Variants in LRP1B observed in about 807,000 individuals in gnomAD.
The protein encoded by LRP1B is low-density lipoprotein receptor-related protein 1B.
In LRP1B, 217 loss-of-function variants were observed where a neutral mutation model predicts 556.6. That is an observed-to-expected ratio of 0.39 (90% CI 0.35 to 0.44). The LOEUF (loss-of-function observed/expected upper bound fraction) is 0.44, where lower values mean the gene tolerates loss of function less well. Ranked by LOEUF, LRP1B falls within the 20% of genes least tolerant of loss-of-function variation. LRP1B has a pLI of 1.00. For missense variants in LRP1B, 5,053 were observed against 5,620.8 expected (o/e 0.90, Z 3.23); for synonymous variants, 2,047 against 1,865.8 (o/e 1.10, Z -2.50).
At chr2:141,911,804 C>T (rs1376713099) in intron 1 of LRP1B, among the ~76,000 whole-genome samples, 1 of 151,798 alleles carries the variant, frequency 6.6e-6, no homozygotes, top group East Asian at 2.0e-4. Context: ...AGTCTCTGGG[C>T]AGTCTCATGC....
chr2:141,176,893 T>TA (rs1429067673), intron 7 of LRP1B, among the ~76,000 whole-genome samples: 1 of 152,014 alleles, frequency 6.6e-6, no homozygotes, highest in Non-Finnish European at 1.5e-5. Flanking sequence ...TACAAAAAAA[T>TA]AAAATAAAAT....
chr2:140,827,205 T>C (rs922966483), intron 31 of LRP1B, among the ~76,000 whole-genome samples: 2 of 152,108 alleles, frequency 1.3e-5, no homozygotes, highest in Non-Finnish European at 1.5e-5. Flanking sequence ...AATGAAAAGC[T>C]ATAGACATAC....
intron 11 of LRP1B, among the ~76,000 whole-genome samples, chr2:141,044,017 C>G (rs1202501681): frequency 6.6e-6 from 1 of 151,936 alleles, no homozygotes; most frequent in Non-Finnish European, 1.5e-5. Flanking sequence ...TGACTTCAAA[C>G]TATACTACAA....
chr2:141,218,339 A>C (rs755057741), intron 6 of LRP1B, among the ~76,000 whole-genome samples: 5 of 152,214 alleles, frequency 3.3e-5, no homozygotes, highest in Admixed American at 1.3e-4. Context: ...GCATGTGTAC[A>C]TACATCACAG....
intron 29 of LRP1B, among the ~76,000 whole-genome samples, chr2:140,844,376 AT>A (rs1692212240): frequency 1.3e-5 from 2 of 151,952 alleles, no homozygotes; most frequent in South Asian, 2.1e-4. Context: ...CCTAATTCTA[AT>A]TTTTTATGCT....
intron 2 of LRP1B, among the ~76,000 whole-genome samples, chr2:141,761,026 G>A (rs1694525989): frequency 6.6e-6 from 1 of 152,062 alleles, no homozygotes; most frequent in South Asian, 2.1e-4. Flanking sequence ...CGGAGTATGG[G>A]GTTGACAGAC....
chr2:140,506,281 G>T (rs1457412762), intron 53 of LRP1B, among the ~76,000 whole-genome samples: 1 of 152,056 alleles, frequency 6.6e-6, no homozygotes, highest in Non-Finnish European at 1.5e-5. Context: ...GTCTCACTCT[G>T]TCACCCAGGC....
intron 7 of LRP1B, among the ~76,000 whole-genome samples, chr2:141,122,813 C>T (rs12617640): frequency 0.29 from 44,641 of 151,890 alleles, 6,809 homozygotes; most frequent in East Asian, 0.48. Context: ...ATGTTTATAG[C>T]GGCACTATTC....
Position 140,611,522 on chromosome 2 carries a change from G to C in LRP1B, c.6800-9883C>G, listed in dbSNP as rs58797878. On this transcript the variant is annotated intron_variant, in intron 41 of 90. Coordinates refer to ENST00000389484, the MANE Select transcript of LRP1B (RefSeq NM_018557.3). ...TAATGAAGTAAGAAAACAGAAAAAGGCTATTCCAGATGGTAGGGATCGTAG... is the reference window on the plus strand; with the variant it reads ...TAATGAAGTAAGAAAACAGAAAAAGCCTATTCCAGATGGTAGGGATCGTAG... Among the ~76,000 whole-genome samples, 7 of 151,988 alleles carry C rather than the reference G, an allele frequency of 4.6e-5. No individual in the cohort carries two copies. The South Asian group carries it at 1.2e-3, about 27-fold the overall frequency.
At chr2:141,569,087 A>C (rs984975968) in intron 2 of LRP1B, among the ~76,000 whole-genome samples, 2 of 151,056 alleles carry the variant, frequency 1.3e-5, no homozygotes, top group Non-Finnish European at 3.0e-5. Flanking sequence ...ATTTGGTACC[A>C]AATGTATGTA....
rs1684218262 is a variant in LRP1B at position 140,640,000 on chromosome 2, TG to T, written c.6800-38362del. 2.6e-5 allele frequency among the ~76,000 whole-genome samples: 4 copies of T among 152,040 alleles called. No homozygotes were observed. In the South Asian group the frequency reaches 8.3e-4, roughly 32 times the overall value. On this transcript the variant is annotated intron_variant, in intron 41 of 90. Coordinates refer to ENST00000389484, the MANE Select transcript of LRP1B (RefSeq NM_018557.3). ...TCCACTCAAATGCTACATTGTTTTT[TG>T]TTTGTTTGTTTGTTTTTTTAAGACA...
At chr2:140,825,693 CA>C (rs1276084505) in intron 31 of LRP1B, among the ~76,000 whole-genome samples, 2 of 151,814 alleles carry the variant, frequency 1.3e-5, no homozygotes, top group African/African-American at 4.8e-5. Flanking sequence ...AAAGAAGGAT[CA>C]ATTGTGGAAT....
At chr2:140,933,043 C>A (rs1695101185) in intron 20 of LRP1B, among the ~76,000 whole-genome samples, 1 of 144,822 alleles carries the variant, frequency 6.9e-6, no homozygotes, top group East Asian at 2.0e-4. Flanking sequence ...TATATGGATG[C>A]TTTTAGGCAT....
chr2:141,162,076 A>G lies in LRP1B; in HGVS notation c.1013+26345T>C, dbSNP rs560680690. 6.6e-5 allele frequency among the ~76,000 whole-genome samples: 10 copies of G among 152,206 alleles called. No individual in the cohort carries two copies. In the South Asian group the frequency reaches 2.1e-3, roughly 32 times the overall value. On this transcript the variant is annotated intron_variant, in intron 7 of 90. Coordinates refer to ENST00000389484, the MANE Select transcript of LRP1B (RefSeq NM_018557.3). ...TCAAGATTCCTTTCTGTTCCTAGGC[A>G]TATTATGTCTCTCCCTTATAACAGT...
At chr2:140,689,108 T>A (rs1686150529) in intron 41 of LRP1B, among the ~76,000 whole-genome samples, 1 of 152,230 alleles carries the variant, frequency 6.6e-6, no homozygotes, top group Non-Finnish European at 1.5e-5. Flanking sequence ...CAGTACAGTG[T>A]TAAAGCAAAC....
chr2:141,469,815 A>C (rs1258170770), intron 3 of LRP1B, among the ~76,000 whole-genome samples: 1 of 152,162 alleles, frequency 6.6e-6, no homozygotes, highest in African/African-American at 2.4e-5. Flanking sequence ...TTCACTTTCC[A>C]GGGTTTGACG....
At chr2:140,522,550 A>C (rs894589126) in intron 49 of LRP1B, among the ~76,000 whole-genome samples, 2 of 151,864 alleles carry the variant, frequency 1.3e-5, no homozygotes, top group Non-Finnish European at 2.9e-5. Context: ...GAGTCAACAG[A>C]AGAAAAAAAC....
chr2:140,516,140 T>C (rs1201177088), intron 50 of LRP1B, among the ~76,000 whole-genome samples: 1 of 152,090 alleles, frequency 6.6e-6, no homozygotes, highest in East Asian at 1.9e-4. Flanking sequence ...ATATATATTA[T>C]TGAAAGCTAT....
intron 3 of LRP1B, among the ~76,000 whole-genome samples, chr2:141,275,576 G>A (rs1377493363): frequency 6.6e-6 from 1 of 152,086 alleles, no homozygotes; most frequent in Non-Finnish European, 1.5e-5. Flanking sequence ...TGGGCATGGT[G>A]GTGCATGTCT....
Sources: gnomAD v4.1 joint callset for allele counts (sites outside exome capture counted in the v4.1 genomes callset) on GRCh38, gnomAD v4.1.1 for gene constraint, MANE v1.5 for transcripts, NCBI Gene and HGNC (gene_info 2026-07-23, HGNC 2026-07-21) for gene names.